Variants in DNAH12 observed in about 807,000 individuals in gnomAD.
The protein encoded by DNAH12 is axonemal beta dynein heavy chain 12.
A neutral mutation model predicts 371.5 loss-of-function variants in DNAH12; 285 were observed. That is an observed-to-expected ratio of 0.77 (90% CI 0.70 to 0.85). The LOEUF (loss-of-function observed/expected upper bound fraction) is 0.85. DNAH12 is among the 40% of genes least tolerant of loss of function. The probability of loss-of-function intolerance (pLI) is 0.00; values close to 1 mark genes in which losing one functional copy is unlikely to be tolerated. For synonymous variants in DNAH12, 1,200 were observed against 1,213.0 expected, an observed-to-expected ratio of 0.99 and a Z score of 0.22; for missense variants, 3,611 against 3,689.4, an observed-to-expected ratio of 0.98 and a Z score of 0.55.
intron 60 of DNAH12, among the ~76,000 whole-genome samples, chr3:57,338,919 G>A (rs955157514): frequency 1.1e-4 from 17 of 152,304 alleles, no homozygotes; most frequent in East Asian, 5.8e-4. Flanking sequence ...TGACGATGGC[G>A]GTTTTGTCGA....
In DNAH12 at chr3:57,405,812, G is replaced by T; in HGVS notation, c.6417C>A (p.Ile2139=). 2 of 1,551,676 alleles carry T rather than the reference G, an allele frequency of 1.3e-6. No individual in the cohort carries two copies. The highest frequency in any genetic ancestry group is 1.7e-6 in the Non-Finnish European group (2 of 1,146,992). The change falls in exon 41 of 74, where the codon ATC becomes ATA. Residue 2139 remains isoleucine, a synonymous_variant. Transcript: ENST00000495027. ...RDAVANKHTM[I]RLFVHEVLRV... ...GGAGAACCTCATGCACAAACAGACG[G>T]ATCATAGTGTGTTTGTTCGCCACGG...
rs1158640870 is a variant in DNAH12 at position 57,360,684 on chromosome 3, TAACAAC to T, written c.9360+2904_9360+2909del. On this transcript the variant is annotated intron_variant, in intron 58 of 73. Coordinates refer to ENST00000495027, the MANE Select transcript of DNAH12 (RefSeq NM_001366028.2). ...CCTGGGCAACAAGAGCGAAACTCTGTAACAACAACAACAACAACAACAACAAGTCCT... is the reference window on the plus strand; with the variant it reads ...CCTGGGCAACAAGAGCGAAACTCTGTAACAACAACAACAACAACAAGTCCT... Among the ~76,000 whole-genome samples, 171 of 151,188 alleles carry T rather than the reference TAACAAC, an allele frequency of 1.1e-3. 1 individual carries two copies. The highest frequency in any genetic ancestry group is 3.6e-3 in the African/African-American group (150 of 41,116).
intron 5 of DNAH12, 63 bp downstream of exon 5, chr3:57,510,727 A>T: frequency 6.9e-7 from 1 of 1,458,956 alleles, no homozygotes; most frequent in Non-Finnish European, 9.4e-7. Context: ...TCTATTTTTG[A>T]TTCAGTGGGG....
At chr3:57,398,459 A>G (rs1012142292) in intron 43 of DNAH12, among the ~76,000 whole-genome samples, 1 of 152,244 alleles carries the variant, frequency 6.6e-6, no homozygotes, top group Non-Finnish European at 1.5e-5. Context: ...ATGAATTCCA[A>G]CTAGGATGAA....
At chr3:57,485,723 A>G (rs923141311) in intron 12 of DNAH12, among the ~76,000 whole-genome samples, 4 of 152,278 alleles carry the variant, frequency 2.6e-5, no homozygotes, top group African/African-American at 9.6e-5. Context: ...TAAGTGAAGT[A>G]ACTCAGGAAT....
intron 13 of DNAH12, among the ~76,000 whole-genome samples, chr3:57,473,588 A>T (rs898423503): frequency 6.6e-6 from 1 of 151,874 alleles, no homozygotes; most frequent in Non-Finnish European, 1.5e-5. Context: ...TATATCTTTC[A>T]TTGCTCTATA....
intron 16 of DNAH12, among the ~76,000 whole-genome samples, chr3:57,469,982 A>G (rs1225769756): frequency 6.6e-6 from 1 of 152,218 alleles, no homozygotes; most frequent in Admixed American, 6.5e-5. Context: ...AATCTAAAAT[A>G]AAAGTTGAAA....
rs1207549547 is a variant in DNAH12, at chr3:57,421,620, T to C, written c.5460A>G (p.Leu1820=). ...GRRVFDTFIR[L]IILGKDDENP... ...TTTCATCATCTTTTCCCAGTATGAT[T>C]AATCGTATGAAAGTATCAAAAACAC... The change falls in exon 36 of 74, where the codon TTA becomes TTG. Residue 1820 remains leucine, a synonymous_variant. Transcript: ENST00000495027. 6.4e-7 allele frequency: 1 copy of C among 1,551,528 alleles called. No homozygotes were observed. Among genetic ancestry groups the C allele is most frequent in the African/African-American group, 1.4e-5 (1 of 73,028 alleles).
intron 55 of DNAH12, among the ~76,000 whole-genome samples, chr3:57,369,044 T>C (rs2063110921): frequency 6.7e-6 from 1 of 149,140 alleles, no homozygotes; most frequent in South Asian, 2.1e-4. Context: ...CCGTCTCTAC[T>C]AAAAAAAAAG....
At chr3:57,316,158 CTAAGCCAAGG>C (rs1356483779) in intron 65 of DNAH12, among the ~76,000 whole-genome samples, 3 of 142,396 alleles carry the variant, frequency 2.1e-5, no homozygotes, top group African/African-American at 7.8e-5. Flanking sequence ...TTGTTTTTGA[CTAAGCCAAGG>C]GGGCAGTAGG....
intron 13 of DNAH12, among the ~76,000 whole-genome samples, chr3:57,477,364 G>C: frequency 6.6e-6 from 1 of 152,118 alleles, no homozygotes. Flanking sequence ...CAAGGCAGCA[G>C]AGAGGCTGGG....
In DNAH12 at chr3:57,483,528, C is replaced by T; in HGVS notation, c.1515-17G>A. 1 of 1,536,542 alleles carries T rather than the reference C, an allele frequency of 6.5e-7. No homozygotes were observed. On this transcript the variant is annotated splice_polypyrimidine_tract_variant and intron_variant, in intron 12 of 73. Transcript: ENST00000495027. ...CTGCAAATACTGACATAATACTCTGCTTTAATAGACTTATGGCAATTAATG... is the reference window on the plus strand; with the variant it reads ...CTGCAAATACTGACATAATACTCTGTTTTAATAGACTTATGGCAATTAATG...
chr3:57,396,304 A>AAAAAAAAAAAAAAAAAC (rs2063740130), intron 43 of DNAH12, among the ~76,000 whole-genome samples: 3 of 141,958 alleles, frequency 2.1e-5, no homozygotes, highest in East Asian at 2.2e-4. Flanking sequence ...AAAAAAAAAA[A>AAAAAAAAAAAAAAAAAC]AAAAAAGAGA....
intron 68 of DNAH12, among the ~76,000 whole-genome samples, 200 bp from the exon 69 acceptor site, chr3:57,309,454 T>C (rs1276509391): frequency 6.6e-6 from 1 of 152,216 alleles, no homozygotes; most frequent in African/African-American, 2.4e-5. Context: ...AGGCATTTTA[T>C]AAGCCACTTT....
intron 2 of DNAH12, among the ~76,000 whole-genome samples, chr3:57,526,085 T>C (rs1299937045): frequency 6.6e-6 from 1 of 152,028 alleles, no homozygotes; most frequent in Non-Finnish European, 1.5e-5. Flanking sequence ...TTGTACCCAT[T>C]AACCATCCCC....
intron 8 of DNAH12, 77 bp downstream of exon 8, chr3:57,507,566 G>T: frequency 9.4e-7 from 1 of 1,060,766 alleles, no homozygotes; most frequent in South Asian, 2.0e-5. Context: ...TTAGCACTAT[G>T]TTTACGTAGA....
At chr3:57,464,597 T>A (rs73076489) in intron 17 of DNAH12, among the ~76,000 whole-genome samples, 16,099 of 151,932 alleles carry the variant, frequency 0.11, 1,006 homozygotes, top group South Asian at 0.15. Context: ...CAGATGTACA[T>A]CCAGCAAAAA....
chr3:57,485,125 G>T (rs2121740), intron 12 of DNAH12, among the ~76,000 whole-genome samples: 101,644 of 151,966 alleles, frequency 0.67, 34,246 homozygotes, highest in South Asian at 0.75. Flanking sequence ...CAGTATTGAG[G>T]TTCCTTAAAG....
chr3:57,403,237 G>T, intron 43 of DNAH12, 72 bp downstream of exon 43: 2 of 1,402,274 alleles, frequency 1.4e-6, no homozygotes, highest in South Asian at 1.5e-5. Flanking sequence ...AGCTACACAG[G>T]CTGGTTCTCT....
Sources: gnomAD v4.1 joint callset for allele counts (sites outside exome capture counted in the v4.1 genomes callset) on GRCh38, gnomAD v4.1.1 for gene constraint, MANE v1.5 for transcripts, NCBI Gene and HGNC (gene_info 2026-07-23, HGNC 2026-07-21) for gene names.